The following ZNF385D variants were observed in gnomAD, a reference collection of about 807,000 sequenced individuals.
The protein encoded by ZNF385D is zinc finger protein 659.
Under a neutral mutation model 35.8 loss-of-function variants are expected in ZNF385D, and 15 were observed. That is an observed-to-expected ratio of 0.42 (90% confidence interval 0.28 to 0.64). ZNF385D has a LOEUF of 0.64. Ranked by LOEUF, ZNF385D falls within the 30% of genes least tolerant of loss-of-function variation. The pLI is 0.23. For missense variants in ZNF385D, 474 were observed against 494.6 expected (o/e 0.96, Z 0.39); for synonymous variants, 212 against 186.8 (o/e 1.13, Z -1.10).
intron 3 of ZNF385D, among the ~76,000 whole-genome samples, chr3:22,021,991 G>T (rs1697251375): frequency 6.6e-6 from 1 of 152,018 alleles, no homozygotes; most frequent in Non-Finnish European, 1.5e-5. Context: ...CCCCATCCAT[G>T]CCAGGGCACA....
Position 22,056,720 on chromosome 3 carries a change from G to C in ZNF385D, c.325+112097C>G, listed in dbSNP as rs1338647909. On this transcript the variant is annotated intron_variant, in intron 3 of 5. Coordinates refer to the ZNF385D transcript ENST00000494108. The stretch of plus-strand genomic sequence containing the variant: ...GTGTAACAATCCACAGAAAAACTCA[G>C]TGGATTAAAACAATTGCCATTTATT... Among the ~76,000 whole-genome samples, 6 of 152,312 alleles carry C rather than the reference G, an allele frequency of 3.9e-5. No individual in the cohort carries two copies. The East Asian group carries it at 1.2e-3, about 29-fold the overall frequency.
At chr3:21,922,436 C>A (rs557066631) in intron 3 of ZNF385D, among the ~76,000 whole-genome samples, 9 of 152,226 alleles carry the variant, frequency 5.9e-5, no homozygotes, top group African/African-American at 2.2e-4. Flanking sequence ...GGTACAAAAG[C>A]AGATACATAT....
intron 3 of ZNF385D, among the ~76,000 whole-genome samples, chr3:21,983,356 T>A (rs1464833963): frequency 5.5e-5 from 6 of 109,876 alleles, no homozygotes; most frequent in Non-Finnish European, 7.2e-5. Flanking sequence ...GATATTCCCC[T>A]TCCTGTGTCC....
intron 4 of ZNF385D, among the ~76,000 whole-genome samples, chr3:21,440,564 T>A (rs542157342): frequency 2.0e-5 from 3 of 151,992 alleles, no homozygotes; most frequent in Non-Finnish European, 4.4e-5. Context: ...ACTTGGAAAA[T>A]CAAATAAAGA....
intron 3 of ZNF385D, among the ~76,000 whole-genome samples, chr3:21,943,387 T>C (rs1046772355): frequency 2.6e-5 from 4 of 151,696 alleles, no homozygotes; most frequent in Non-Finnish European, 5.9e-5. Flanking sequence ...TCCTGTCTTA[T>C]CTCTTTTTCT....
intron 1 of ZNF385D, among the ~76,000 whole-genome samples, chr3:21,728,211 C>G (rs191155427): frequency 1.3e-5 from 2 of 151,852 alleles, no homozygotes; most frequent in African/African-American, 4.8e-5. Flanking sequence ...GTGCAGCAAA[C>G]CACCATGTCA....
chr3:21,928,051 C>G (rs920479841), intron 3 of ZNF385D, among the ~76,000 whole-genome samples: 1 of 151,864 alleles, frequency 6.6e-6, no homozygotes, highest in Non-Finnish European at 1.5e-5. Flanking sequence ...GAGCAAGACT[C>G]GATAAATATT....
At chr3:21,830,025 G>A (rs1369862970) in intron 3 of ZNF385D, among the ~76,000 whole-genome samples, 2 of 152,034 alleles carry the variant, frequency 1.3e-5, no homozygotes, top group Non-Finnish European at 2.9e-5. Flanking sequence ...TCGGGAGGCT[G>A]AGGCAGGAGA....
At chr3:22,181,516 G>C (rs888550441) in intron 2 of ZNF385D, among the ~76,000 whole-genome samples, 1 of 152,028 alleles carries the variant, frequency 6.6e-6, no homozygotes, top group Non-Finnish European at 1.5e-5. Context: ...CGAACACGGT[G>C]AAACCCCCTC....
intron 3 of ZNF385D, among the ~76,000 whole-genome samples, chr3:21,966,479 G>C (rs977679722): frequency 1.3e-5 from 2 of 152,202 alleles, no homozygotes; most frequent in Non-Finnish European, 2.9e-5. Flanking sequence ...ACATCCAGCA[G>C]AGGCTTTATA....
chr3:21,634,205 A>G (rs1438803111), intron 2 of ZNF385D, among the ~76,000 whole-genome samples: 1 of 151,478 alleles, frequency 6.6e-6, no homozygotes. Context: ...TCAAAAAAAT[A>G]GAAAGAAAGA....
At chr3:21,807,305 G>A (rs1032157846) in intron 3 of ZNF385D, among the ~76,000 whole-genome samples, 1 of 152,072 alleles carries the variant, frequency 6.6e-6, no homozygotes. Flanking sequence ...TATTTTTCAA[G>A]TGTTTTAATA....
At chr3:21,754,485 T>A (rs2070248768), upstream of ZNF385D, among the ~76,000 whole-genome samples, 1 of 152,168 alleles carries the variant, frequency 6.6e-6, no homozygotes, top group African/African-American at 2.4e-5. Flanking sequence ...CACTTACATA[T>A]TTTGTATTAA....
intron 2 of ZNF385D, among the ~76,000 whole-genome samples, chr3:21,591,640 A>G (rs2063979173): frequency 6.6e-6 from 1 of 152,200 alleles, no homozygotes; most frequent in Admixed American, 6.5e-5. Flanking sequence ...TTTAGTATGT[A>G]TTAACCTGCA....
At chr3:21,423,925 T>G (rs1165885775) in intron 7 of ZNF385D, 38 bp downstream of exon 7, 5 of 1,576,376 alleles carry the variant, frequency 3.2e-6, no homozygotes, top group Non-Finnish European at 4.3e-6. Context: ...TAATTCCATT[T>G]GGGAATAGAG....
chr3:22,368,399 C>G (rs35015391), intron 2 of ZNF385D, among the ~76,000 whole-genome samples: 37 of 152,206 alleles, frequency 2.4e-4, no homozygotes, highest in African/African-American at 8.9e-4. Flanking sequence ...TCATCTCTGC[C>G]CCTGGGTGTC....
intron 2 of ZNF385D, among the ~76,000 whole-genome samples, chr3:22,219,817 T>C (rs918311704): frequency 6.6e-6 from 1 of 152,232 alleles, no homozygotes; most frequent in African/African-American, 2.4e-5. Flanking sequence ...ACTAAGTGAG[T>C]TTGGGTAACT....
chr3:21,903,158 G>C (rs759225897), intron 3 of ZNF385D, among the ~76,000 whole-genome samples: 4 of 152,008 alleles, frequency 2.6e-5, no homozygotes, highest in Non-Finnish European at 5.9e-5. Flanking sequence ...TAAATCTCCC[G>C]GTCATCTTTC....
At chr3:21,510,070 T>C (rs1474981873) in intron 4 of ZNF385D, among the ~76,000 whole-genome samples, 1 of 152,202 alleles carries the variant, frequency 6.6e-6, no homozygotes, top group Non-Finnish European at 1.5e-5. Context: ...TGGAAAACAA[T>C]TGAGGTGTAA....
Sources: gnomAD v4.1 joint callset for allele counts (sites outside exome capture counted in the v4.1 genomes callset) on GRCh38, gnomAD v4.1.1 for gene constraint, MANE v1.5 for transcripts, NCBI Gene and HGNC (gene_info 2026-07-23, HGNC 2026-07-21) for gene names.